The following MRE11 variants were observed in gnomAD, a reference collection of about 807,000 sequenced individuals.
The protein encoded by MRE11 is MRE11 double strand break repair nuclease.
In MRE11, 62 loss-of-function variants were observed where a neutral mutation model predicts 91.7. That is an observed-to-expected ratio of 0.68 (90% confidence interval 0.55 to 0.84). The LOEUF (loss-of-function observed/expected upper bound fraction) is 0.84, where lower values mean the gene tolerates loss of function less well. Among genes scored for constraint, MRE11 ranks in the 40% least tolerant of loss-of-function variants. The pLI is 0.00. For synonymous variants in MRE11, 273 were observed against 271.4 expected (o/e 1.01, Z -0.06); for missense variants, 796 against 852.9 (o/e 0.93, Z 0.83).
intron 3 of MRE11, among the ~76,000 whole-genome samples, chr11:94,487,097 C>T (rs564287407): frequency 2.0e-4 from 30 of 152,194 alleles, no homozygotes; most frequent in Non-Finnish European, 3.8e-4. Flanking sequence ...AAACAACAAA[C>T]CAAATGAAAA....
intron 10 of MRE11, chr11:94,466,345 G>A: frequency 3.2e-6 from 1 of 311,196 alleles, no homozygotes; most frequent in South Asian, 2.7e-5. Context: ...GAAACTGGAG[G>A]CAGAGTCCTG....
At chr11:94,487,596 G>T (rs1245038698) in intron 3 of MRE11, among the ~76,000 whole-genome samples, 3 of 152,180 alleles carry the variant, frequency 2.0e-5, no homozygotes, top group East Asian at 3.8e-4. Flanking sequence ...CCACCAACCA[G>T]CCTCCAAAGT....
chr11:94,421,736 G>A (rs622961), intron 19 of MRE11, among the ~76,000 whole-genome samples: 70,685 of 151,998 alleles, frequency 0.47, 16,636 homozygotes, highest in South Asian at 0.59. Flanking sequence ...AAAATGAAAG[G>A]TGTAAGTCAC....
At chr11:94,448,940 G>T (rs1182953622) in intron 14 of MRE11, among the ~76,000 whole-genome samples, 1 of 152,066 alleles carries the variant, frequency 6.6e-6, no homozygotes, top group Non-Finnish European at 1.5e-5. Context: ...AAACTATAAA[G>T]AAGAGTTAAT....
intron 14 of MRE11, among the ~76,000 whole-genome samples, chr11:94,447,945 A>G (rs1591656183): frequency 1.3e-5 from 2 of 152,286 alleles, no homozygotes; most frequent in East Asian, 3.9e-4. Context: ...TACTACCTAT[A>G]AAATGAGACC....
chr11:94,468,363 A>C (rs1946625048), intron 9 of MRE11, among the ~76,000 whole-genome samples: 2 of 152,332 alleles, frequency 1.3e-5, no homozygotes, highest in Admixed American at 6.5e-5. Flanking sequence ...TGAGAGGATA[A>C]GATTATAACA....
upstream of MRE11, among the ~76,000 whole-genome samples, chr11:94,495,679 T>C (rs1947408377): frequency 6.6e-6 from 1 of 152,196 alleles, no homozygotes; most frequent in African/African-American, 2.4e-5. Context: ...AAAATTAATA[T>C]GGCAGCTTAG....
chr11:94,474,601 A>C (rs1178740923), intron 7 of MRE11, among the ~76,000 whole-genome samples: 1 of 152,204 alleles, frequency 6.6e-6, no homozygotes, highest in Non-Finnish European at 1.5e-5. Context: ...AAAATTAGCG[A>C]GTAAAAGTTT....
intron 13 of MRE11, among the ~76,000 whole-genome samples, chr11:94,459,151 G>C (rs1372031228): frequency 6.6e-6 from 1 of 152,068 alleles, no homozygotes; most frequent in Non-Finnish European, 1.5e-5. Context: ...TCACTTTAAA[G>C]CCCTTTCAAA....
intron 4 of MRE11, 39 bp from the exon 5 acceptor site, chr11:94,479,800 C>T: frequency 2.0e-6 from 3 of 1,532,490 alleles, no homozygotes; most frequent in Non-Finnish European, 2.7e-6. Flanking sequence ...CCATACGGGA[C>T]AAAAGCTGTT....
At chr11:94,498,164 A>G, upstream of MRE11, 1 of 1,614,200 alleles carries the variant, frequency 6.2e-7, no homozygotes, top group Non-Finnish European at 8.5e-7. Flanking sequence ...AGCAGCCTAC[A>G]GTGGACACTT....
intron 1 of MRE11, 64 bp from the exon 2 acceptor site, chr11:94,492,970 A>T (rs1418813283): frequency 3.0e-6 from 2 of 659,822 alleles, no homozygotes; most frequent in Non-Finnish European, 5.3e-6. Context: ...AACCAACATG[A>T]TTTACGCTGC....
chr11:94,440,431 A>T (rs1403370023), intron 16 of MRE11, among the ~76,000 whole-genome samples: 2 of 39,080 alleles, frequency 5.1e-5, no homozygotes, highest in Non-Finnish European at 9.7e-5. Context: ...TCAAACATTT[A>T]AAAAAAAAAA....
chr11:94,433,532 T>C (rs1288870683), intron 18 of MRE11, among the ~76,000 whole-genome samples: 1 of 152,226 alleles, frequency 6.6e-6, no homozygotes, highest in East Asian at 1.9e-4. Context: ...TCATCTTGAA[T>C]TGTAGCTCTC....
the MRE11 span, among the ~76,000 whole-genome samples, chr11:94,504,429 A>G: frequency 5.9e-5 from 9 of 152,374 alleles, no homozygotes; most frequent in East Asian, 1.7e-3. Flanking sequence ...AATTCCAAGT[A>G]ACACAACCTT....
chr11:94,424,156 C>T (rs887377734), intron 19 of MRE11, among the ~76,000 whole-genome samples: 1 of 152,176 alleles, frequency 6.6e-6, no homozygotes, highest in Non-Finnish European at 1.5e-5. Flanking sequence ...CACAGAAATA[C>T]AAAAGAACTA....
At chr11:94,490,379 T>C (rs1947255074) in intron 3 of MRE11, among the ~76,000 whole-genome samples, 1 of 152,218 alleles carries the variant, frequency 6.6e-6, no homozygotes, top group African/African-American at 2.4e-5. Context: ...CCTTCTTCAT[T>C]AAACTCATCT....
chr11:94,432,172 A>G (rs1200160076), intron 18 of MRE11, among the ~76,000 whole-genome samples: 1 of 152,196 alleles, frequency 6.6e-6, no homozygotes, highest in Non-Finnish European at 1.5e-5. Flanking sequence ...TTAAATACAC[A>G]TAAATGAGCC....
chr11:94,471,909 G>T (rs1946726810), intron 7 of MRE11, 150 bp from the exon 8 acceptor site: 1 of 676,634 alleles, frequency 1.5e-6, no homozygotes, highest in Non-Finnish European at 2.5e-6. Context: ...GGAATGTAAA[G>T]ATCATCAATG....
Sources: allele counts gnomAD v4.1 joint callset (sites outside exome capture counted in the v4.1 genomes callset), GRCh38; gene constraint gnomAD v4.1.1; transcripts MANE v1.5; gene names NCBI Gene and HGNC (gene_info 2026-07-23, HGNC 2026-07-21).